AP1B1: variants seen among roughly 807,000 people sequenced by gnomAD.
AP1B1 encodes the protein AP-1 complex subunit beta-1.
A neutral mutation model predicts 104.3 loss-of-function variants in AP1B1; 36 were observed. The ratio of observed to expected loss-of-function variants is 0.35; its 90% CI spans 0.26 to 0.46. AP1B1 has a LOEUF of 0.46. Among genes scored for constraint, AP1B1 ranks in the 20% least tolerant of loss-of-function variants. AP1B1 has a pLI of 1.00. For missense variants in AP1B1, 901 were observed against 1,247.9 expected, an observed-to-expected ratio of 0.72 and a Z score of 4.19; for synonymous variants, 504 against 517.5, an observed-to-expected ratio of 0.97 and a Z score of 0.35.
Position 29,328,791 on chromosome 22 carries a change from A to G in AP1B1, c.*30T>C. The G allele has an allele frequency of 6.3e-7, 1 of 1,593,434 alleles. No homozygotes were observed. The highest frequency in any genetic ancestry group is 2.3e-5 in the East Asian group (1 of 44,286). On this transcript the variant is annotated 3_prime_UTR_variant, in exon 23 of 23. Coordinates refer to ENST00000357586, the MANE Select transcript of AP1B1 (RefSeq NM_001127.4). The surrounding 1 kb of genome is among the most constrained non-coding windows in gnomAD (Gnocchi z 4.1). ...GAGGGGCCTCCTCGATGGGGCGGGC[A>G]GAAGGCTGGGGTGGGCGCTGGCCGG...
Position 29,331,816 on chromosome 22 carries a change from T to C in AP1B1, c.2410A>G (p.Met804Val). 1.9e-6 allele frequency: 3 copies of C among 1,614,108 alleles called. No homozygotes were observed. The highest frequency in any genetic ancestry group is 2.5e-6 in the Non-Finnish European group (3 of 1,180,008). The change falls in exon 18 of 23, where the codon ATG (methionine) becomes GTG (valine). Residue 804 changes from methionine to valine, a missense_variant. Met to Val is a conservative substitution (Grantham distance 21, BLOSUM62 1). Around this residue, in one of 3 missense-constraint regions of AP1B1, gnomAD observed 424 missense variants for 494.0 expected, o/e 0.86. Transcript: ENST00000357586. The stretch of plus-strand genomic sequence containing the variant: ...AGGTTGTTCAGAGGCTCCATCTTCA[T>C]GACCGAGCCCACCGTGCTGAGAGGC... ...SLPLSTVGSV[M>V]KMEPLNNLQV...
chr22:29,331,310 C>T (rs2061553592), intron 19 of AP1B1, 139 bp downstream of exon 19: 1 of 869,230 alleles, frequency 1.2e-6, no homozygotes. Context: ...CACTCCAGGC[C>T]CTGCAGGGAA....
At chr22:29,372,674 T>G (rs1480539264) in intron 1 of AP1B1, among the ~76,000 whole-genome samples, 1 of 152,046 alleles carries the variant, frequency 6.6e-6, no homozygotes, top group African/African-American at 2.4e-5. Flanking sequence ...GCTGCTGAAG[T>G]TAGGGTTAGG....
At chr22:29,357,424 G>A (rs751303715) in intron 5 of AP1B1, among the ~76,000 whole-genome samples, 2 of 151,982 alleles carry the variant, frequency 1.3e-5, no homozygotes, top group African/African-American at 4.8e-5. Flanking sequence ...GGAGTGTAGT[G>A]GTGCAATCTT....
At chr22:29,383,774 G>A (rs1329531398) in intron 1 of AP1B1, among the ~76,000 whole-genome samples, 2 of 151,994 alleles carry the variant, frequency 1.3e-5, no homozygotes, top group Admixed American at 1.3e-4. Context: ...GTAGACTGTG[G>A]TAATTGGTGG....
intron 6 of AP1B1, among the ~76,000 whole-genome samples, chr22:29,355,965 C>A (rs1241145799): frequency 2.0e-5 from 3 of 152,176 alleles, no homozygotes; most frequent in African/African-American, 7.2e-5. Context: ...TGGTTAAGAC[C>A]ATGAGTCAGG....
chr22:29,329,419 T>C (rs1055732288), intron 22 of AP1B1: 2 of 1,299,706 alleles, frequency 1.5e-6, no homozygotes, highest in African/African-American at 3.0e-5. Context: ...CCCCCACCCA[T>C]CCACTCTAAA....
intron 15 of AP1B1, among the ~76,000 whole-genome samples, 158 bp from the exon 16 acceptor site, chr22:29,339,291 G>A (rs1277061958): frequency 6.6e-6 from 1 of 152,224 alleles, no homozygotes; most frequent in Non-Finnish European, 1.5e-5. Flanking sequence ...GACAGAGAGA[G>A]GTGGGTGGAG....
chr22:29,329,753 T>C, intron 21 of AP1B1, 33 bp from the exon 22 acceptor site: 2 of 1,613,134 alleles, frequency 1.2e-6, no homozygotes, highest in Non-Finnish European at 1.7e-6. Context: ...GAAGGTGACA[T>C]GCAGCAACCA....
At chr22:29,341,410 T>G (rs538042540) in intron 13 of AP1B1, 91 bp downstream of exon 13, 1 of 1,506,014 alleles carries the variant, frequency 6.6e-7, no homozygotes, top group Non-Finnish European at 9.0e-7. Context: ...CAGGTCTTGC[T>G]GGGGGACAAC....
Position 29,351,684 on chromosome 22 carries a change from TGACC to T in AP1B1, c.1059+17_1059+20del, listed in dbSNP as rs750113943. On this transcript the variant is annotated intron_variant, in intron 8 of 22. Coordinates refer to ENST00000357586, the MANE Select transcript of AP1B1 (RefSeq NM_001127.4). ...ATGGTCCCACACTGAGCCCGTGTCC[TGACC>T]ATCACACGCAGCTGACCTGGGCGAT... 2.5e-6 allele frequency: 4 copies of T among 1,613,146 alleles called. No individual in the cohort carries two copies. In the South Asian group the frequency reaches 4.4e-5, roughly 18 times the overall value.
chr22:29,354,990 C>A, intron 6 of AP1B1, 119 bp from the exon 7 acceptor site: 1 of 852,030 alleles, frequency 1.2e-6, no homozygotes, highest in East Asian at 2.7e-5. Flanking sequence ...AATCCCAGCA[C>A]TTTGGGAGGC....
chr22:29,351,517 A>G, intron 8 of AP1B1, 188 bp downstream of exon 8: 2 of 889,554 alleles, frequency 2.2e-6, no homozygotes, highest in South Asian at 3.6e-5. Context: ...TAACATGGAG[A>G]AACATTCTTT....
chr22:29,368,002 T>C (rs887472189), intron 1 of AP1B1, among the ~76,000 whole-genome samples: 4 of 152,128 alleles, frequency 2.6e-5, no homozygotes, highest in Admixed American at 1.3e-4. Context: ...TGAAGTACTA[T>C]TGTAGACAAT....
intron 1 of AP1B1, among the ~76,000 whole-genome samples, chr22:29,373,513 G>A (rs1040718885): frequency 6.6e-6 from 1 of 152,118 alleles, no homozygotes; most frequent in Non-Finnish European, 1.5e-5. Context: ...TGGGCATGAA[G>A]GGCCCCTGCA....
At chr22:29,371,481 C>G (rs2062236649) in intron 1 of AP1B1, among the ~76,000 whole-genome samples, 1 of 152,174 alleles carries the variant, frequency 6.6e-6, no homozygotes, top group Non-Finnish European at 1.5e-5. Flanking sequence ...CCTGTAATCC[C>G]AGCACTTTGG....
chr22:29,361,334 G>A (rs2062043384), intron 3 of AP1B1, among the ~76,000 whole-genome samples: 1 of 152,192 alleles, frequency 6.6e-6, no homozygotes, highest in Non-Finnish European at 1.5e-5. Context: ...CTTGGGACCT[G>A]GATGGGAGCT....
At chr22:29,341,976 G>A (rs1321491153) in intron 12 of AP1B1, among the ~76,000 whole-genome samples, 1 of 152,336 alleles carries the variant, frequency 6.6e-6, no homozygotes, top group East Asian at 1.9e-4. Flanking sequence ...GGCCATGCCT[G>A]TCTCTACTCC....
chr22:29,342,046 G>A (rs1265222804), intron 12 of AP1B1, among the ~76,000 whole-genome samples: 1 of 152,218 alleles, frequency 6.6e-6, no homozygotes, highest in African/African-American at 2.4e-5. Context: ...GTTTCCATGG[G>A]CCCTCCTCCT....
Sources: gnomAD v4.1 joint callset for allele counts (sites outside exome capture counted in the v4.1 genomes callset) on GRCh38, gnomAD v4.1.1 for gene constraint, gnomAD v4.1.1 regional missense constraint, Gnocchi (gnomAD v3.1) non-coding constraint, MANE v1.5 for transcripts, NCBI Gene and HGNC (gene_info 2026-07-23, HGNC 2026-07-21) for gene names.